LIN28B: variants seen among roughly 807,000 people sequenced by gnomAD.
The protein encoded by LIN28B is lin-28 RNA binding posttranscriptional regulator B, also known as protein lin-28 homolog B.
LIN28B carries 5 observed loss-of-function variants against 21.9 expected under a neutral mutation model. The ratio of observed to expected loss-of-function variants is 0.23; its 90% CI spans 0.12 to 0.48. LIN28B has a LOEUF of 0.48. Ranked by LOEUF, LIN28B falls within the 20% of genes least tolerant of loss-of-function variation. The probability of loss-of-function intolerance (pLI) is 0.98; values close to 1 mark genes in which losing one functional copy is unlikely to be tolerated. For synonymous variants in LIN28B, 109 were observed against 111.3 expected, an observed-to-expected ratio of 0.98 and a Z score of 0.13; for missense variants, 245 against 310.5, an observed-to-expected ratio of 0.79 and a Z score of 1.58.
intron 3 of LIN28B, among the ~76,000 whole-genome samples, chr6:105,055,676 G>A (rs1772007009): frequency 6.6e-6 from 1 of 152,178 alleles, no homozygotes; most frequent in East Asian, 1.9e-4. Context: ...CTAAGTTACT[G>A]TTATTCAATC....
intron 1 of LIN28B, 75 bp from the exon 2 acceptor site, chr6:104,958,024 A>T: frequency 9.7e-7 from 1 of 1,027,182 alleles, no homozygotes; most frequent in Non-Finnish European, 1.3e-6. Flanking sequence ...CCAGGCAGGC[A>T]ATTTTTTTTT....
intron 2 of LIN28B, among the ~76,000 whole-genome samples, chr6:104,969,143 G>A (rs1428658345): frequency 6.6e-6 from 1 of 151,914 alleles, no homozygotes; most frequent in African/African-American, 2.4e-5. Context: ...TCCTTTCAGG[G>A]GTTGATTAAA....
chr6:105,030,755 C>G (rs1771407273), intron 3 of LIN28B, among the ~76,000 whole-genome samples: 1 of 151,552 alleles, frequency 6.6e-6, no homozygotes, highest in African/African-American at 2.4e-5. Context: ...CACCACTGTG[C>G]CTGGCTAATT....
At chr6:105,045,292 T>G (rs1326920018) in intron 3 of LIN28B, among the ~76,000 whole-genome samples, 1 of 147,178 alleles carries the variant, frequency 6.8e-6, no homozygotes, top group Non-Finnish European at 1.5e-5. Flanking sequence ...CTGTTTTTTT[T>G]TTTTTTTTTT....
At chr6:104,953,058 A>C (rs1778238778), upstream of LIN28B, among the ~76,000 whole-genome samples, 1 of 152,202 alleles carries the variant, frequency 6.6e-6, no homozygotes, top group South Asian at 2.1e-4. Context: ...AGTTACCGCC[A>C]AGTGGTTTAC....
chr6:104,990,552 CTTG>C (rs1220522393), intron 2 of LIN28B, among the ~76,000 whole-genome samples: 1 of 140,730 alleles, frequency 7.1e-6, no homozygotes, highest in Admixed American at 7.6e-5. Context: ...AAATTTTAGT[CTTG>C]TTTTTTATTT....
chr6:104,992,507 TGTGTGTG>T (rs1562084908), intron 2 of LIN28B, among the ~76,000 whole-genome samples: 11 of 112,686 alleles, frequency 9.8e-5, no homozygotes, highest in Non-Finnish European at 1.7e-4. Flanking sequence ...TGTGTGTGTG[TGTGTGTG>T]TTTTTTTTTT....
intron 3 of LIN28B, among the ~76,000 whole-genome samples, chr6:105,032,323 A>G (rs1771442017): frequency 6.6e-6 from 1 of 152,156 alleles, no homozygotes; most frequent in Non-Finnish European, 1.5e-5. Context: ...TTTATAAAAA[A>G]CTGCCAAATT....
intron 3 of LIN28B, among the ~76,000 whole-genome samples, chr6:105,060,940 T>A (rs1273959569): frequency 6.6e-6 from 1 of 151,910 alleles, no homozygotes; most frequent in Admixed American, 6.6e-5. Context: ...CAAAAGGGAG[T>A]TGGTAGACAA....
intron 2 of LIN28B, among the ~76,000 whole-genome samples, chr6:104,973,755 A>G (rs1770026224): frequency 2.0e-5 from 3 of 152,238 alleles, no homozygotes; most frequent in African/African-American, 7.2e-5. Context: ...TCATGAAAAA[A>G]TGTCTGTTCT....
intron 3 of LIN28B, among the ~76,000 whole-genome samples, chr6:105,063,646 G>T (rs35965375): frequency 4.0e-5 from 5 of 124,664 alleles, no homozygotes; most frequent in Non-Finnish European, 4.8e-5. Flanking sequence ...GGGGGGGGGG[G>T]GGAAAAAAAG....
chr6:104,937,850 C>G (rs77262307), intron 2 of LIN28B, among the ~76,000 whole-genome samples: 1 of 151,686 alleles, frequency 6.6e-6, no homozygotes, highest in Non-Finnish European at 1.5e-5. Context: ...TTCTAGGAAC[C>G]GTTGTAGGCA....
intron 3 of LIN28B, among the ~76,000 whole-genome samples, chr6:105,055,443 A>G (rs1383518864): frequency 1.3e-5 from 2 of 152,154 alleles, no homozygotes; most frequent in Non-Finnish European, 2.9e-5. Flanking sequence ...TGTGCAAAGG[A>G]GAACTCCTGT....
At chr6:105,028,060 A>G (rs1314244459) in intron 3 of LIN28B, among the ~76,000 whole-genome samples, 1 of 152,220 alleles carries the variant, frequency 6.6e-6, no homozygotes, top group African/African-American at 2.4e-5. Context: ...ACCTGCATAC[A>G]TACTTAAATA....
In LIN28B at chr6:105,051,384, A is replaced by C. The variant is rs551619287; in HGVS notation, c.383+24902A>C. On this transcript the variant is annotated intron_variant, in intron 3 of 3. Coordinates refer to ENST00000345080, the MANE Select transcript of LIN28B (RefSeq NM_001004317.4). ...AACCTGGGAGGTGGAGGTTGCAGTG[A>C]GCTGAGATCGTGCCATTGCACTCCA... Among the ~76,000 whole-genome samples the C allele has an allele frequency of 2.7e-3, 411 of 151,454 alleles. 2 individuals carry two copies. Among genetic ancestry groups the C allele is most frequent in the Non-Finnish European group, 4.2e-3 (285 of 67,938 alleles).
intron 2 of LIN28B, among the ~76,000 whole-genome samples, chr6:105,021,415 C>T (rs1434013475): frequency 6.6e-6 from 1 of 152,066 alleles, no homozygotes; most frequent in East Asian, 1.9e-4. Context: ...AATAGTAATT[C>T]CATTTTTAGT....
chr6:104,974,142 T>C (rs759058722), intron 2 of LIN28B, among the ~76,000 whole-genome samples: 1 of 152,202 alleles, frequency 6.6e-6, no homozygotes, highest in Admixed American at 6.5e-5. Context: ...TTTAATTGTT[T>C]ACTTCCTTAG....
At chr6:105,027,965 G>A (rs1327588371) in intron 3 of LIN28B, among the ~76,000 whole-genome samples, 2 of 151,980 alleles carry the variant, frequency 1.3e-5, no homozygotes, top group African/African-American at 4.8e-5. Flanking sequence ...AGCTCATTTT[G>A]TACAAAAGAA....
intron 2 of LIN28B, among the ~76,000 whole-genome samples, chr6:105,021,725 T>G (rs1321890232): frequency 1.3e-5 from 2 of 152,182 alleles, no homozygotes; most frequent in African/African-American, 4.8e-5. Flanking sequence ...TTAATCTACC[T>G]GTCAGATAAC....
Sources: allele counts gnomAD v4.1 joint callset (sites outside exome capture counted in the v4.1 genomes callset), GRCh38; gene constraint gnomAD v4.1.1; transcripts MANE v1.5; gene names NCBI Gene and HGNC (gene_info 2026-07-23, HGNC 2026-07-21).